The following PPP2R3B variants were observed in gnomAD, a reference collection of about 807,000 sequenced individuals.
PPP2R3B encodes protein phosphatase 2 regulatory subunit B''beta.
In PPP2R3B, 68 loss-of-function variants were observed where a neutral mutation model predicts 72.9. The observed-to-expected ratio is 0.93, with a 90% CI of 0.77 to 1.14. The LOEUF (loss-of-function observed/expected upper bound fraction) is 1.14, where lower values mean the gene tolerates loss of function less well. Ranked by LOEUF, PPP2R3B falls within the 50% of genes most tolerant of loss-of-function variation. The probability of loss-of-function intolerance (pLI) is 0.00; values close to 1 mark genes in which losing one functional copy is unlikely to be tolerated. For synonymous variants in PPP2R3B, 466 were observed against 375.8 expected, an observed-to-expected ratio of 1.24 and a Z score of -2.78; for missense variants, 1,018 against 842.0, an observed-to-expected ratio of 1.21 and a Z score of -2.59.
chrX:338,954 G>A (rs1313758974), intron 10 of PPP2R3B, 58 bp from the exon 11 acceptor site: 6 of 1,416,154 alleles, frequency 4.2e-6, no homozygotes, highest in Non-Finnish European at 6.0e-6. Context: ...TCGGGGCCTG[G>A]GTGTGGGGTG....
chrX:374,577 C>G (rs1170683085), intron 1 of PPP2R3B, among the ~76,000 whole-genome samples: 1 of 152,104 alleles, frequency 6.6e-6, no homozygotes, highest in Non-Finnish European at 1.5e-5. Context: ...ATTCCGGGGG[C>G]CTGCACCTCG....
chrX:341,395 C>T lies in PPP2R3B; in HGVS notation c.1087G>A (p.Gly363Ser), dbSNP rs374592861. The T allele has an allele frequency of 3.3e-5, 53 of 1,612,486 alleles. No homozygotes were observed. In the African/African-American group the frequency reaches 6.3e-4, roughly 19 times the overall value. ...DRIFSGAVTR[G>S]RKVQKEGKIS... ...TTCCCTTCCTTCTGCACTTTTCTGC[C>T]TCTAGATCGAAAGCCAGGATGGAGA... The change falls in exon 9 of 13, where the codon GGC (glycine) becomes AGC (serine). Residue 363 changes from glycine to serine, a missense_variant and splice_region_variant. Physicochemically the swap from Gly to Ser is moderately conservative, Grantham distance 56. Coordinates refer to ENST00000390665, the MANE Select transcript of PPP2R3B (RefSeq NM_013239.5).
intron 7 of PPP2R3B, among the ~76,000 whole-genome samples, chrX:344,673 C>T (rs1338861640): frequency 3.9e-5 from 6 of 152,232 alleles, no homozygotes; most frequent in Non-Finnish European, 5.9e-5. Context: ...GAGCTGTGCT[C>T]TCCTCGTGGC....
rs774490161 is a variant in PPP2R3B, at chrX:348,053, G to A, written c.511-360C>T. Among the ~76,000 whole-genome samples, 25 of 152,244 alleles carry A rather than the reference G, an allele frequency of 1.6e-4. 1 individual carries two copies. The East Asian group carries it at 4.6e-3, about 28-fold the overall frequency. Reference sequence around the variant, plus strand: ...CGTCAGCCAGGCAACGCGGTGAATCGGACGGCGACAGAAACATCTCATGGA... The same window carrying A: ...CGTCAGCCAGGCAACGCGGTGAATCAGACGGCGACAGAAACATCTCATGGA... On this transcript the variant is annotated intron_variant, in intron 2 of 12. Transcript: ENST00000390665.
chrX:364,824 A>G (rs369667975), intron 1 of PPP2R3B, among the ~76,000 whole-genome samples: 588 of 41,990 alleles, frequency 0.014, 7 homozygotes, highest in South Asian at 0.019. Context: ...CGGAGGTTGC[A>G]GTGAGCTGAG....
chrX:364,520 A>AG (rs1569405635), intron 1 of PPP2R3B, among the ~76,000 whole-genome samples: 1 of 99,600 alleles, frequency 1.0e-5, no homozygotes, highest in Admixed American at 9.8e-5. Context: ...AAAAAAAAAA[A>AG]CAAAAAAAAA....
At chrX:380,244 CTTT>C (rs2072093260) in intron 1 of PPP2R3B, among the ~76,000 whole-genome samples, 1 of 152,146 alleles carries the variant, frequency 6.6e-6, no homozygotes. Flanking sequence ...CACTTTTGCT[CTTT>C]GAGACACTGA....
In PPP2R3B at chrX:352,383, C is replaced by T. The variant is rs1201984378; in HGVS notation, c.511-4690G>A. 6.6e-5 allele frequency among the ~76,000 whole-genome samples: 10 copies of T among 152,370 alleles called. No homozygotes were observed. The Middle Eastern group carries it at 0.01, about 155-fold the overall frequency. ...CCTTCGGCCCCTCCGCAGTCCGCTA[C>T]GGCGACGGCCCCCAGGCCTCCTCCC... On this transcript the variant is annotated intron_variant, in intron 2 of 12. Transcript: ENST00000390665.
chrX:363,342 ACCATCC>A (rs1569403616), intron 1 of PPP2R3B, among the ~76,000 whole-genome samples: 3 of 124,162 alleles, frequency 2.4e-5, no homozygotes, highest in Non-Finnish European at 3.3e-5. Context: ...CCCCGAGCCC[ACCATCC>A]CGCAGTGCAT....
At chrX:384,261 ACTCT>A (rs766359373) in intron 1 of PPP2R3B, among the ~76,000 whole-genome samples, 50 of 142,450 alleles carry the variant, frequency 3.5e-4, no homozygotes, top group Admixed American at 1.3e-3. Context: ...ACGCAAGAAG[ACTCT>A]CTCTCTCTCT....
intron 2 of PPP2R3B, among the ~76,000 whole-genome samples, chrX:358,755 T>G (rs2071483460): frequency 6.9e-6 from 1 of 144,786 alleles, no homozygotes; most frequent in African/African-American, 2.6e-5. Context: ...AACGCGCACA[T>G]GAGAACCAGG....
At chrX:338,349 C>G (rs1363268111) in intron 12 of PPP2R3B, 2 of 594,942 alleles carry the variant, frequency 3.4e-6, no homozygotes, top group Non-Finnish European at 6.0e-6. Context: ...TGTGCGAAGC[C>G]TCGCGCCCAG....
intron 9 of PPP2R3B, 76 bp downstream of exon 9, chrX:341,231 C>T (rs1437400496): frequency 2.1e-5 from 33 of 1,536,582 alleles, no homozygotes; most frequent in African/African-American, 2.7e-5. Flanking sequence ...TGCAGGCATC[C>T]GCCTGGGGAC....
intron 1 of PPP2R3B, among the ~76,000 whole-genome samples, chrX:373,286 G>A (rs778129596): frequency 6.6e-6 from 1 of 152,358 alleles, no homozygotes; most frequent in Non-Finnish European, 1.5e-5. Context: ...TCAAAGCCCG[G>A]TTTTCCTAAC....
Position 376,200 on chromosome X carries a change from A to AG in PPP2R3B, c.324+10167_324+10168insC, listed in dbSNP as rs1413310155. ...GAGCGAGACTTCGTCTCAAAAAGGA[A>AG]AAAAAAAAAAAAAAGACTTTTGGAA... On this transcript the variant is annotated intron_variant, in intron 1 of 12. Coordinates refer to ENST00000390665, the MANE Select transcript of PPP2R3B (RefSeq NM_013239.5). Among the ~76,000 whole-genome samples the AG allele has an allele frequency of 7.2e-4, 81 of 112,490 alleles. 1 individual carries two copies. The highest frequency in any genetic ancestry group is 2.8e-3 in the African/African-American group (75 of 26,708). 73.8% of individuals were successfully genotyped at this position (112,490 alleles called of 152,430 possible). A position where few individuals can be genotyped will look rare whatever the true frequency, so the allele number is the denominator to read the frequency against.
chrX:352,854 G>A (rs1477539069), intron 2 of PPP2R3B, among the ~76,000 whole-genome samples: 4 of 150,958 alleles, frequency 2.6e-5, no homozygotes, highest in South Asian at 2.2e-4. Context: ...ATGTGAAAAC[G>A]CTGCCAAGCT....
intron 1 of PPP2R3B, 39 bp downstream of exon 1, chrX:386,329 C>A (rs377569451): frequency 7.9e-5 from 103 of 1,296,650 alleles, no homozygotes; most frequent in Middle Eastern, 2.5e-4. Flanking sequence ...GCGACCAGAG[C>A]CACCTGCGCA....
chrX:359,904 G>A (rs1484134521), intron 2 of PPP2R3B: 2 of 487,934 alleles, frequency 4.1e-6, no homozygotes, highest in African/African-American at 4.0e-5. Context: ...TGTCTAGTTT[G>A]TTAGTGCTCA....
At chrX:370,745 G>A (rs2071841926) in intron 1 of PPP2R3B, among the ~76,000 whole-genome samples, 1 of 152,158 alleles carries the variant, frequency 6.6e-6, no homozygotes, top group Non-Finnish European at 1.5e-5. Context: ...CAAGGGTTTT[G>A]GTGACCACTG....
Sources: allele counts gnomAD v4.1 joint callset (sites outside exome capture counted in the v4.1 genomes callset), GRCh38; gene constraint gnomAD v4.1.1; transcripts MANE v1.5; gene names NCBI Gene and HGNC (gene_info 2026-07-23, HGNC 2026-07-21).